Variants in CCDC85A observed in about 807,000 individuals in gnomAD.
CCDC85A encodes coiled-coil domain containing 85A, also known as coiled-coil domain-containing protein 85A.
In CCDC85A, 38 loss-of-function variants were observed where a neutral mutation model predicts 50.2. That is an observed-to-expected ratio of 0.76 (90% CI 0.58 to 0.99). The LOEUF (loss-of-function observed/expected upper bound fraction) is 0.99. CCDC85A is among the 50% of genes least tolerant of loss of function. CCDC85A has a pLI of 0.00. For missense variants in CCDC85A, 820 were observed against 742.0 expected (o/e 1.11, Z -1.22); for synonymous variants, 366 against 301.4 (o/e 1.21, Z -2.22).
intron 2 of CCDC85A, among the ~76,000 whole-genome samples, chr2:56,305,979 TC>T (rs1672425626): frequency 6.6e-6 from 1 of 152,186 alleles, no homozygotes; most frequent in African/African-American, 2.4e-5. Flanking sequence ...TGTCTCTTGC[TC>T]TCTTCCTTCT....
intron 3 of CCDC85A, among the ~76,000 whole-genome samples, chr2:56,370,751 T>A (rs1676031538): frequency 1.3e-5 from 2 of 152,120 alleles, no homozygotes; most frequent in African/African-American, 2.4e-5. Flanking sequence ...GGTATGATGA[T>A]AAGCTTTGTT....
intron 2 of CCDC85A, among the ~76,000 whole-genome samples, chr2:56,301,095 A>T (rs982992984): frequency 1.3e-5 from 2 of 152,210 alleles, no homozygotes; most frequent in Non-Finnish European, 2.9e-5. Flanking sequence ...ATATTTATTT[A>T]GAAAAAAGTC....
At chr2:56,221,050 C>G (rs775559131) in intron 2 of CCDC85A, among the ~76,000 whole-genome samples, 1 of 151,060 alleles carries the variant, frequency 6.6e-6, no homozygotes, top group East Asian at 1.9e-4. Context: ...GTAAAAAAGT[C>G]TGTGTTGAAG....
chr2:56,261,334 C>T (rs964728433), intron 2 of CCDC85A, among the ~76,000 whole-genome samples: 16 of 152,132 alleles, frequency 1.1e-4, no homozygotes, highest in African/African-American at 3.1e-4. Flanking sequence ...GTGCTGTGTG[C>T]ACATCACCAA....
rs867735465 is a variant in CCDC85A, at chr2:56,384,666, C to G, written c.*311C>G. ...ATTAGAAATAAGTGTTTTTAACTCC[C>G]CAGATATAATATTGTAATTGGGAAA... On this transcript the variant is annotated 3_prime_UTR_variant, in exon 6 of 6. Coordinates refer to ENST00000407595, the MANE Select transcript of CCDC85A (RefSeq NM_001080433.2). 13 of 244,300 alleles carry G rather than the reference C, an allele frequency of 5.3e-5. No individual in the cohort carries two copies. Among genetic ancestry groups the G allele is most frequent in the Non-Finnish European group, 8.1e-5 (10 of 122,858 alleles). The allele number at this position is 244,300 out of a possible 1,614,324, so 15.1% of individuals were successfully genotyped here.
In CCDC85A at chr2:56,241,044, G is replaced by T. The variant is rs547005158; in HGVS notation, c.1240+47604G>T. Among the ~76,000 whole-genome samples, 5 of 152,222 alleles carry T rather than the reference G, an allele frequency of 3.3e-5. No individual in the cohort carries two copies. The East Asian group carries it at 9.7e-4, about 29-fold the overall frequency. On this transcript the variant is annotated intron_variant, in intron 2 of 5. Transcript: ENST00000407595. ...TTATTGCCAGCATTTGCTATTGTCT[G>T]TCTGGATCATAGGTGGTACCTCATT...
chr2:56,264,388 C>A (rs1019590142), intron 2 of CCDC85A, among the ~76,000 whole-genome samples: 1 of 152,168 alleles, frequency 6.6e-6, no homozygotes, highest in African/African-American at 2.4e-5. Flanking sequence ...AATGGCAACA[C>A]CATCTTTTCT....
chr2:56,248,008 C>T (rs1440568357), intron 2 of CCDC85A, among the ~76,000 whole-genome samples: 1 of 152,198 alleles, frequency 6.6e-6, no homozygotes, highest in Non-Finnish European at 1.5e-5. Context: ...GGGCCCCATG[C>T]TTTACCTGCT....
chr2:56,383,841 C>A, intron 5 of CCDC85A: 1 of 765,418 alleles, frequency 1.3e-6, no homozygotes, highest in Non-Finnish European at 1.6e-6. Context: ...CCAAGGTGTT[C>A]TTAATTCTGG....
At chr2:56,363,185 G>A (rs1225605257) in intron 3 of CCDC85A, among the ~76,000 whole-genome samples, 1 of 152,080 alleles carries the variant, frequency 6.6e-6, no homozygotes, top group African/African-American at 2.4e-5. Flanking sequence ...AGTAAGAGCT[G>A]TTTGTGACAA....
intron 2 of CCDC85A, among the ~76,000 whole-genome samples, chr2:56,314,355 GT>G (rs761212015): frequency 6.6e-6 from 1 of 151,042 alleles, no homozygotes; most frequent in Non-Finnish European, 1.5e-5. Context: ...TCTTTAGGAA[GT>G]TTTTTTTTCT....
intron 5 of CCDC85A, among the ~76,000 whole-genome samples, chr2:56,376,652 A>G (rs1558666246): frequency 1.3e-5 from 2 of 152,190 alleles, no homozygotes; most frequent in Admixed American, 1.3e-4. Flanking sequence ...AACAATATAA[A>G]TATTTACTTA....
intron 2 of CCDC85A, among the ~76,000 whole-genome samples, chr2:56,222,679 G>A (rs978005424): frequency 3.3e-5 from 5 of 152,074 alleles, no homozygotes; most frequent in Admixed American, 2.6e-4. Context: ...TATCAGACAC[G>A]TTTTCCCACC....
intron 3 of CCDC85A, among the ~76,000 whole-genome samples, chr2:56,363,997 A>G (rs891358661): frequency 1.3e-5 from 2 of 152,192 alleles, no homozygotes; most frequent in African/African-American, 4.8e-5. Flanking sequence ...TTGAAAAGCA[A>G]TTTAGAAGTA....
At chr2:56,312,251 G>A (rs1259845979) in intron 2 of CCDC85A, among the ~76,000 whole-genome samples, 3 of 152,058 alleles carry the variant, frequency 2.0e-5, no homozygotes, top group Admixed American at 6.6e-5. Flanking sequence ...ATGATTTAGA[G>A]TGCCTGTTTG....
At chr2:56,357,673 C>G (rs118129956) in intron 3 of CCDC85A, among the ~76,000 whole-genome samples, 10 of 27,170 alleles carry the variant, frequency 3.7e-4, no homozygotes, top group African/African-American at 9.9e-4. Flanking sequence ...TTTTTTTTTG[C>G]TATGTTCTTT....
At chr2:56,371,680 T>G (rs1239463482) in intron 3 of CCDC85A, among the ~76,000 whole-genome samples, 1 of 152,028 alleles carries the variant, frequency 6.6e-6, no homozygotes, top group African/African-American at 2.4e-5. Context: ...ATTAAGGACT[T>G]TTTTCTTTTC....
intron 2 of CCDC85A, among the ~76,000 whole-genome samples, chr2:56,284,647 A>G (rs937175350): frequency 1.3e-5 from 2 of 152,250 alleles, no homozygotes; most frequent in Admixed American, 1.3e-4. Context: ...TGCCAGGATT[A>G]CAGGCGTGAG....
At chr2:56,347,494 C>T (rs934788841) in intron 3 of CCDC85A, among the ~76,000 whole-genome samples, 1 of 152,196 alleles carries the variant, frequency 6.6e-6, no homozygotes, top group African/African-American at 2.4e-5. Context: ...ATGTTTATTG[C>T]ATTCCTGCTT....
Sources: gnomAD v4.1 joint callset for allele counts (sites outside exome capture counted in the v4.1 genomes callset) on GRCh38, gnomAD v4.1.1 for gene constraint, MANE v1.5 for transcripts, NCBI Gene and HGNC (gene_info 2026-07-23, HGNC 2026-07-21) for gene names.